The following ZNF100 variants were observed in gnomAD, a reference collection of about 807,000 sequenced individuals.
The protein encoded by ZNF100 is zinc finger protein 100 (Y1).
A neutral mutation model predicts 15.8 loss-of-function variants in ZNF100; 12 were observed. The ratio of observed to expected loss-of-function variants is 0.76; its 90% CI spans 0.49 to 1.23. ZNF100 has a LOEUF of 1.23. Among genes scored for constraint, ZNF100 ranks in the 50% most tolerant of loss-of-function variants. The pLI is 0.00. For missense variants in ZNF100, 670 were observed against 635.6 expected (o/e 1.05, Z -0.58); for synonymous variants, 226 against 214.8 (o/e 1.05, Z -0.45).
At position 21,727,292 on chromosome 19, in the gene ZNF100, A is replaced by G; in HGVS notation, c.1020T>C (p.Thr340=). The G allele has an allele frequency of 6.2e-7, 1 of 1,613,268 alleles. No homozygotes were observed. Among genetic ancestry groups the G allele is most frequent in the Non-Finnish European group, 8.5e-7 (1 of 1,179,710 alleles). Residue 340 remains threonine (T), a synonymous_variant, in exon 5 of 5, where the codon ACT becomes ACC. Transcript: ENST00000358296. ...CTTCACATTTGTAGGGTTTCTCTCC[A>G]GTATGAATTATCCTGTGTGTAGTAA... The part of the protein sequence containing the change: ...SHLTTHRIIH[T]GEKPYKCEEC...
intron 2 of ZNF100, among the ~76,000 whole-genome samples, chr19:21,762,285 ACT>A (rs2036494933): frequency 6.6e-6 from 1 of 152,258 alleles, no homozygotes; most frequent in African/African-American, 2.4e-5. Context: ...AATCTGGATT[ACT>A]GTTTGAATTA....
At chr19:21,736,884 C>T (rs1436269729) in intron 4 of ZNF100, among the ~76,000 whole-genome samples, 3 of 152,078 alleles carry the variant, frequency 2.0e-5, no homozygotes, top group Non-Finnish European at 4.4e-5. Flanking sequence ...CTCTGGAATG[C>T]AGCTAAAGTA....
intron 2 of ZNF100, among the ~76,000 whole-genome samples, chr19:21,759,727 G>A (rs767662928): frequency 1.3e-5 from 2 of 152,124 alleles, no homozygotes; most frequent in East Asian, 1.9e-4. Flanking sequence ...GTGCCATGAC[G>A]GTTTACAAAT....
chr19:21,765,666 A>T, intron 2 of ZNF100, 28 bp downstream of exon 2: 1 of 1,598,178 alleles, frequency 6.3e-7, no homozygotes, highest in Non-Finnish European at 8.6e-7. Context: ...GGTTGGGTGA[A>T]GACAATTTTA....
chr19:21,767,535 G>C lies in ZNF100; in HGVS notation c.-106C>G, dbSNP rs10412066. ...CCCTAGGAGCAGAAGACACAGAGAA[G>C]TGAGAGCAAAACCTGGAGCTCCGGC... On this transcript the variant is annotated 5_prime_UTR_variant, in exon 1 of 5. Coordinates refer to ENST00000358296, the MANE Select transcript of ZNF100 (RefSeq NM_173531.4). 0.3 allele frequency: 460,408 copies of C among 1,525,640 alleles called. 71,044 individuals are homozygous for C. The highest frequency in any genetic ancestry group is 0.43 in the South Asian group (35,675 of 83,306). 94.5% of individuals were successfully genotyped at this position (1,525,640 alleles called of 1,614,324 possible).
At chr19:21,734,342 C>T (rs112788707) in intron 4 of ZNF100, among the ~76,000 whole-genome samples, 8 of 151,908 alleles carry the variant, frequency 5.3e-5, no homozygotes, top group Non-Finnish European at 1.2e-4. Flanking sequence ...GCTGTTAACC[C>T]GAATAACCAG....
chr19:21,747,944 A>C (rs1422278158), intron 2 of ZNF100, among the ~76,000 whole-genome samples: 2 of 150,698 alleles, frequency 1.3e-5, no homozygotes, highest in East Asian at 2.0e-4. Flanking sequence ...CAGCATTATT[A>C]CTTCTTCCTC....
At chr19:21,742,066 C>A (rs572705803) in intron 4 of ZNF100, among the ~76,000 whole-genome samples, 1 of 152,000 alleles carries the variant, frequency 6.6e-6, no homozygotes, top group South Asian at 2.1e-4. Flanking sequence ...GAGGCTGAGG[C>A]AGAGCGATCA....
chr19:21,753,418 TAATA>T (rs1418002729), intron 2 of ZNF100: 3 of 151,948 alleles, frequency 2.0e-5, no homozygotes, highest in African/African-American at 7.3e-5. Context: ...TAAAAAATAA[TAATA>T]AATAAAAATA....
chr19:21,747,928 A>T (rs1021480690), intron 2 of ZNF100, among the ~76,000 whole-genome samples: 1 of 152,112 alleles, frequency 6.6e-6, no homozygotes, highest in African/African-American at 2.4e-5. Flanking sequence ...ATTTAGATAA[A>T]GGGCCCAGCA....
rs2035787477 is a variant in ZNF100 at position 21,726,475 on chromosome 19, T to C, written c.*208A>G. 1.9e-6 allele frequency: 1 copy of C among 523,618 alleles called. No homozygotes were observed. Among genetic ancestry groups the C allele is most frequent in the African/African-American group, 1.9e-5 (1 of 51,982 alleles). The allele number at this position is 523,618 out of a possible 1,614,324, so 32.4% of individuals were successfully genotyped here. Reference sequence around the variant, plus strand: ...ATTTCTCAACACTATGATTTATGTTTTGAAAAGTTTGAGGTGTTTTCAAAG... The same window carrying C: ...ATTTCTCAACACTATGATTTATGTTCTGAAAAGTTTGAGGTGTTTTCAAAG... On this transcript the variant is annotated 3_prime_UTR_variant, in exon 5 of 5. Coordinates refer to ENST00000358296, the MANE Select transcript of ZNF100 (RefSeq NM_173531.4).
In ZNF100 at chr19:21,727,559, G is replaced by A. The variant is rs779826260; in HGVS notation, c.753C>T (p.His251=). Residue 251 remains histidine, a synonymous_variant, in exon 5 of 5, where the codon CAC becomes CAT. Transcript: ENST00000358296. ...AFNWFSTLTT[H]RRIHTGEKPY... ...GTTTCTCTCCAGTATGAATTCTCCTGTGTGTAGTAAGGGTTGAGAACCAGT... is the reference window on the plus strand; with the variant it reads ...GTTTCTCTCCAGTATGAATTCTCCTATGTGTAGTAAGGGTTGAGAACCAGT... The A allele has an allele frequency of 8.7e-6, 14 of 1,613,584 alleles. No individual in the cohort carries two copies. The highest frequency in any genetic ancestry group is 1.2e-5 in the Non-Finnish European group (14 of 1,179,812).
At chr19:21,737,926 C>A (rs2036036746) in intron 4 of ZNF100, among the ~76,000 whole-genome samples, 1 of 152,014 alleles carries the variant, frequency 6.6e-6, no homozygotes, top group African/African-American at 2.4e-5. Context: ...AAAACAACAA[C>A]AACAAAAACT....
In ZNF100 at chr19:21,723,943, A is replaced by G. The variant is rs2145671668; in HGVS notation, c.*2740T>C. The G allele has an allele frequency of 6.6e-6, 1 of 152,236 alleles. No homozygotes were observed. The highest frequency in any genetic ancestry group is 1.9e-4 in the East Asian group (1 of 5,200). 9.4% of individuals were successfully genotyped at this position (152,236 alleles called of 1,614,324 possible). ...AAGTGTTCTAACTAAATAAAATGTA[A>G]CTTAATACACTAATTGTGGAATTAC... On this transcript the variant is annotated 3_prime_UTR_variant, in exon 5 of 5. Transcript: ENST00000358296.
rs2145675005 is a variant in ZNF100, at chr19:21,725,469, A to G, written c.*1214T>C. 6.6e-6 allele frequency: 1 copy of G among 152,266 alleles called. No homozygotes were observed. The highest frequency in any genetic ancestry group is 1.9e-4 in the East Asian group (1 of 5,192). The allele number at this position is 152,266 out of a possible 1,614,324, so 9.4% of individuals were successfully genotyped here. A position where few individuals can be genotyped will look rare whatever the true frequency, so the allele number is the denominator to read the frequency against. ...CTTAATATTATAAGTTAACCATAAA[A>G]GTCTCTTCACTTAGATTTTCATCAT... On this transcript the variant is annotated 3_prime_UTR_variant, in exon 5 of 5. Coordinates refer to ENST00000358296, the MANE Select transcript of ZNF100 (RefSeq NM_173531.4).
rs1175919844 is a variant in ZNF100 at position 21,745,185 on chromosome 19, T to C, written c.97-118A>G. The C allele has an allele frequency of 2.8e-6, 4 of 1,438,728 alleles. No individual in the cohort carries two copies. In the African/African-American group the frequency reaches 5.8e-5, roughly 21 times the overall value. The allele number at this position is 1,438,728 out of a possible 1,614,324, so 89.1% of individuals were successfully genotyped here. ...GAGAATTGGTTCTGATTAATAGAAA[T>C]GACAAATTTTCCAATAATTTTTAAC... On this transcript the variant is annotated intron_variant, in intron 2 of 4. Coordinates refer to ENST00000358296, the MANE Select transcript of ZNF100 (RefSeq NM_173531.4).
At chr19:21,762,260 G>A (rs148771610) in intron 2 of ZNF100, among the ~76,000 whole-genome samples, 1 of 152,318 alleles carries the variant, frequency 6.6e-6, no homozygotes, top group African/African-American at 2.4e-5. Context: ...AGTGTCATAA[G>A]ATGGATTATG....
In ZNF100 at chr19:21,728,459, G is replaced by C. The variant is rs571052072; in HGVS notation, c.323-470C>G. On this transcript the variant is annotated intron_variant, in intron 4 of 4. Coordinates refer to ENST00000358296, the MANE Select transcript of ZNF100 (RefSeq NM_173531.4). ...TTGGAGTGACAGTCTTAACTTTGCTGAGACCAAAGGTAAATGTTTCAGCAA... is the reference window on the plus strand; with the variant it reads ...TTGGAGTGACAGTCTTAACTTTGCTCAGACCAAAGGTAAATGTTTCAGCAA... Among the ~76,000 whole-genome samples, 4 of 152,208 alleles carry C rather than the reference G, an allele frequency of 2.6e-5. No individual in the cohort carries two copies. The South Asian group carries it at 8.3e-4, about 32-fold the overall frequency.
chr19:21,761,963 T>C (rs1221095331), intron 2 of ZNF100, among the ~76,000 whole-genome samples: 1 of 152,180 alleles, frequency 6.6e-6, no homozygotes, highest in Non-Finnish European at 1.5e-5. Flanking sequence ...GCACAGTGGC[T>C]CACCAGCACT....
Sources: gnomAD v4.1 joint callset for allele counts (sites outside exome capture counted in the v4.1 genomes callset) on GRCh38, gnomAD v4.1.1 for gene constraint, MANE v1.5 for transcripts, NCBI Gene and HGNC (gene_info 2026-07-23, HGNC 2026-07-21) for gene names.